Variants in CLDN14 observed in about 807,000 individuals in gnomAD.
CLDN14 encodes the protein claudin 14.
A neutral mutation model predicts 2.1 loss-of-function variants in CLDN14; 2 were observed. The observed-to-expected ratio is 0.96, with a 90% CI of 0.39 to 3.01. The LOEUF (loss-of-function observed/expected upper bound fraction) is 3.01. Ranked by LOEUF, CLDN14 falls within the 30% of genes most tolerant of loss-of-function variation. CLDN14 has a pLI of 0.09. For synonymous variants in CLDN14, 136 were observed against 154.4 expected (o/e 0.88, Z 0.88); for missense variants, 298 against 328.0 (o/e 0.91, Z 0.71).
intron 1 of CLDN14, among the ~76,000 whole-genome samples, chr21:36,476,491 C>T (rs796770157): frequency 1.3e-5 from 2 of 149,026 alleles, no homozygotes; most frequent in African/African-American, 4.9e-5. Context: ...CTCACTTTGT[C>T]ACCCAGGCCG....
chr21:36,513,459 C>G (rs2087200925), intron 1 of CLDN14, among the ~76,000 whole-genome samples: 1 of 152,202 alleles, frequency 6.6e-6, no homozygotes, highest in African/African-American at 2.4e-5. Context: ...CTGGAGCTGT[C>G]CTAGCTCAGG....
Position 36,498,324 on chromosome 21 carries a change from G to A in CLDN14, c.-82+12039C>T, listed in dbSNP as rs564267825. 6.6e-6 allele frequency among the ~76,000 whole-genome samples: 1 copy of A among 152,212 alleles called. No homozygotes were observed. The highest frequency in any genetic ancestry group is 1.9e-4 in the East Asian group (1 of 5,168). On this transcript the variant is annotated intron_variant, in intron 2 of 2. Coordinates refer to the CLDN14 transcript ENST00000342108. The surrounding 1 kb of genome is among the most constrained non-coding windows in gnomAD (Gnocchi z 4.9). ...ACAGGAAGATGCGTTTGTGAGCCGG[G>A]ACAATTGTGAGTGGAAAGAGAAGAA...
At chr21:36,570,315 A>C (rs2087700508) in intron 1 of CLDN14, among the ~76,000 whole-genome samples, 1 of 152,208 alleles carries the variant, frequency 6.6e-6, no homozygotes, top group Admixed American at 6.5e-5. Flanking sequence ...TATCAGACTT[A>C]AGGTCTGTGT....
At chr21:36,479,228 CAA>C (rs1288414741) in intron 1 of CLDN14, among the ~76,000 whole-genome samples, 1 of 152,132 alleles carries the variant, frequency 6.6e-6, no homozygotes, top group East Asian at 1.9e-4. Context: ...GAGTTCTGCC[CAA>C]ACACTCAGGA....
chr21:36,567,348 T>C (rs2146527532), intron 1 of CLDN14, among the ~76,000 whole-genome samples: 1 of 152,294 alleles, frequency 6.6e-6, no homozygotes, highest in South Asian at 2.1e-4. Flanking sequence ...TCGCTTCAAT[T>C]AAGAGATAGA....
intron 2 of CLDN14, among the ~76,000 whole-genome samples, chr21:36,503,507 C>T (rs1447062433): frequency 6.6e-6 from 1 of 152,148 alleles, no homozygotes. Flanking sequence ...GGGAGTTTCC[C>T]TCACAAGCTC....
chr21:36,555,767 G>T (rs407095), intron 1 of CLDN14, among the ~76,000 whole-genome samples: 1 of 151,212 alleles, frequency 6.6e-6, no homozygotes, highest in Admixed American at 6.6e-5. Flanking sequence ...CACACAGCCA[G>T]GCATCTCCCA....
At chr21:36,566,609 C>T (rs2087674494) in intron 1 of CLDN14, among the ~76,000 whole-genome samples, 1 of 152,226 alleles carries the variant, frequency 6.6e-6, no homozygotes, top group South Asian at 2.1e-4. Context: ...TTATGAGATG[C>T]TTCTTGCAGC....
chr21:36,490,532 G>A (rs1409339731), intron 2 of CLDN14, among the ~76,000 whole-genome samples: 1 of 151,670 alleles, frequency 6.6e-6, no homozygotes, highest in African/African-American at 2.4e-5. Flanking sequence ...GAGATGACAG[G>A]TGTGCACCAC....
chr21:36,537,147 C>T (rs375926262), intron 1 of CLDN14, among the ~76,000 whole-genome samples: 80 of 152,198 alleles, frequency 5.3e-4, no homozygotes, highest in African/African-American at 1.7e-3. Flanking sequence ...CCGGAGATGG[C>T]GCCATTGCAC....
intron 1 of CLDN14, among the ~76,000 whole-genome samples, chr21:36,520,454 G>A (rs897331977): frequency 2.6e-5 from 4 of 152,124 alleles, no homozygotes; most frequent in African/African-American, 7.2e-5. Flanking sequence ...TACTGTTCTC[G>A]TGGTAGTAAA....
Position 36,479,850 on chromosome 21 carries a change from C to G in CLDN14, c.-437G>C, listed in dbSNP as rs905104278. 27 of 152,444 alleles carry G rather than the reference C, an allele frequency of 1.8e-4. No individual in the cohort carries two copies. Among genetic ancestry groups the G allele is most frequent in the African/African-American group, 6.5e-4 (27 of 41,560 alleles). 9.4% of individuals were successfully genotyped at this position (152,444 alleles called of 1,614,324 possible). A position where few individuals can be genotyped will look rare whatever the true frequency, so the allele number is the denominator to read the frequency against. On this transcript the variant is annotated 5_prime_UTR_variant, in exon 1 of 2. Coordinates refer to ENST00000399135, the MANE Select transcript of CLDN14 (RefSeq NM_001146079.2). Reference sequence around the variant, plus strand: ...ACACCTGAACCTGGGCATCTCCTTCCTAACACGCGCTCAGGATCAAGCCTC... The same window carrying G: ...ACACCTGAACCTGGGCATCTCCTTCGTAACACGCGCTCAGGATCAAGCCTC...
chr21:36,529,954 C>T (rs890427163), intron 1 of CLDN14, among the ~76,000 whole-genome samples: 2 of 152,118 alleles, frequency 1.3e-5, no homozygotes, highest in South Asian at 2.1e-4. Flanking sequence ...TCATCGACCC[C>T]GAATAACAGA....
intron 2 of CLDN14, among the ~76,000 whole-genome samples, chr21:36,494,814 CTGT>C: frequency 6.6e-6 from 1 of 152,346 alleles, no homozygotes; most frequent in South Asian, 2.1e-4. Context: ...CAATAAATGC[CTGT>C]TGTTTAAGCC....
At chr21:36,468,052 T>C (rs1051163594) in intron 1 of CLDN14, among the ~76,000 whole-genome samples, 11 of 152,222 alleles carry the variant, frequency 7.2e-5, no homozygotes, top group Admixed American at 1.3e-4. Flanking sequence ...TATATATGTT[T>C]GCCCTCAAAT....
At chr21:36,513,117 A>G (rs979901156) in intron 1 of CLDN14, among the ~76,000 whole-genome samples, 41 of 152,266 alleles carry the variant, frequency 2.7e-4, no homozygotes, top group Admixed American at 1.8e-3. Flanking sequence ...AAAAACATAA[A>G]ATCATGGTGG....
Position 36,461,637 on chromosome 21 carries a change from C to T in CLDN14, c.59G>A (p.Gly20Asp). The T allele has an allele frequency of 6.3e-7, 1 of 1,578,794 alleles. No individual in the cohort carries two copies. The highest frequency in any genetic ancestry group is 8.6e-7 in the Non-Finnish European group (1 of 1,163,112). Reference sequence around the variant, plus strand: ...CGGCAGGATGGTGGTGATCAACGTGCCCACCATGCCCAGGAAGCTGAGCAG... The same window carrying T: ...CGGCAGGATGGTGGTGATCAACGTGTCCACCATGCCCAGGAAGCTGAGCAG... ...GFLLSFLGMV[G>D]TLITTILPHW... is the part of the protein sequence containing the mutation. The change falls in exon 2 of 2, where the codon GGC becomes GAC. Residue 20 changes from glycine to aspartate, a missense_variant. Physicochemically the swap from Gly to Asp is moderately conservative, Grantham distance 94. Coordinates refer to ENST00000399135, the MANE Select transcript of CLDN14 (RefSeq NM_001146079.2).
chr21:36,485,812 G>A (rs2086888985), intron 2 of CLDN14: 1 of 393,878 alleles, frequency 2.5e-6, no homozygotes, highest in East Asian at 4.7e-5. Context: ...ATGAATGAAA[G>A]ATCAGATATA....
intron 1 of CLDN14, among the ~76,000 whole-genome samples, chr21:36,525,317 G>A (rs985118399): frequency 3.3e-5 from 5 of 152,164 alleles, no homozygotes; most frequent in Non-Finnish European, 7.4e-5. Flanking sequence ...TGAGCTTCAA[G>A]GAGAAGGTGA....
Sources: allele counts gnomAD v4.1 joint callset (sites outside exome capture counted in the v4.1 genomes callset), GRCh38; gene constraint gnomAD v4.1.1; non-coding constraint Gnocchi (gnomAD v3.1); transcripts MANE v1.5; gene names NCBI Gene and HGNC (gene_info 2026-07-23, HGNC 2026-07-21).